Variants in HDLBP observed in about 807,000 individuals in gnomAD.
The protein encoded by HDLBP is high density lipoprotein binding protein, also known as vigilin.
A neutral mutation model predicts 137.3 loss-of-function variants in HDLBP; 30 were observed. The observed-to-expected ratio is 0.22, with a 90% CI of 0.16 to 0.30. HDLBP has a LOEUF of 0.30. Ranked by LOEUF, HDLBP falls within the 10% of genes least tolerant of loss-of-function variation. The pLI is 1.00. For synonymous variants in HDLBP, 606 were observed against 596.0 expected (o/e 1.02, Z -0.24); for missense variants, 1,119 against 1,667.3 (o/e 0.67, Z 5.73).
At chr2:241,298,303 T>C (rs2075260925) in intron 1 of HDLBP, among the ~76,000 whole-genome samples, 1 of 151,742 alleles carries the variant, frequency 6.6e-6, no homozygotes, top group African/African-American at 2.4e-5. Context: ...GAGGTGGAGT[T>C]TGCAGTCAGC....
At position 241,253,628 on chromosome 2, in the gene HDLBP, G is replaced by A. The variant is rs541496125; in HGVS notation, c.1189-131C>T. The A allele has an allele frequency of 1.9e-4, 125 of 665,354 alleles. 1 individual carries two copies. Among genetic ancestry groups the A allele is most frequent in the South Asian group, 7.7e-4 (43 of 56,202 alleles). 41.2% of individuals were successfully genotyped at this position (665,354 alleles called of 1,614,324 possible). On this transcript the variant is annotated intron_variant, in intron 9 of 27. Coordinates refer to ENST00000310931, the MANE Select transcript of HDLBP (RefSeq NM_005336.6). ...TTCACATAGATGTGAGGGAGGGAGG[G>A]ACATATCCACAGCCATCAAACAAAG...
At chr2:241,285,867 A>G (rs547302126) in intron 1 of HDLBP, among the ~76,000 whole-genome samples, 150 of 152,246 alleles carry the variant, frequency 9.9e-4, no homozygotes, top group African/African-American at 3.4e-3. Context: ...CATTTCTTAA[A>G]AAAATAAAAA....
chr2:241,290,906 G>A (rs2074993860), intron 1 of HDLBP, among the ~76,000 whole-genome samples: 1 of 152,172 alleles, frequency 6.6e-6, no homozygotes, highest in Non-Finnish European at 1.5e-5. Flanking sequence ...TATCGTTACT[G>A]TAAGAATATA....
chr2:241,235,733 G>A (rs1345220202), intron 21 of HDLBP, 139 bp from the exon 22 acceptor site: 42 of 618,930 alleles, frequency 6.8e-5, no homozygotes, highest in Non-Finnish European at 1.1e-4. Flanking sequence ...AATGCCACCA[G>A]GACCTTTAAC....
intron 16 of HDLBP, among the ~76,000 whole-genome samples, chr2:241,245,658 C>G (rs754835211): frequency 6.6e-6 from 1 of 152,064 alleles, no homozygotes; most frequent in Non-Finnish European, 1.5e-5. Context: ...AAAAATTAGC[C>G]TGGTGCGGTA....
rs1360672220 is a variant in HDLBP, at chr2:241,235,575, A to G, written c.2924T>C (p.Ile975Thr). 2.5e-6 allele frequency: 4 copies of G among 1,613,646 alleles called. No homozygotes were observed. Among genetic ancestry groups the G allele is most frequent in the Admixed American group, 1.7e-5 (1 of 60,016 alleles). Residue 975 changes from isoleucine (I) to threonine (T), a missense_variant, in exon 22 of 28, where the codon ATT (isoleucine) becomes ACT (threonine). Physicochemically the swap from Ile to Thr is moderately conservative, Grantham distance 89. Transcript: ENST00000310931. ...AAGGTCAAAGGGCACCTCTACTTCAATGGTGACAGGAACCAATGCCTGCAG... is the reference window on the plus strand; with the variant it reads ...AAGGTCAAAGGGCACCTCTACTTCAGTGGTGACAGGAACCAATGCCTGCAG... ...EALEALVPVT[I>T]EVEVPFDLHR...
chr2:241,256,509 T>A, intron 6 of HDLBP, 91 bp downstream of exon 6: 1 of 1,516,472 alleles, frequency 6.6e-7, no homozygotes, highest in Non-Finnish European at 9.1e-7. Flanking sequence ...ACATTATGCC[T>A]TGAAGTCCAC....
At chr2:241,299,505 CAAAAAAAAAA>C (rs11423330) in intron 1 of HDLBP, among the ~76,000 whole-genome samples, 4,767 of 49,836 alleles carry the variant, frequency 0.096, 128 homozygotes, top group Middle Eastern at 0.24. Flanking sequence ...GGCTCCGTCT[CAAAAAAAAAA>C]AAAAAAAAAA....
At chr2:241,256,565 T>C (rs772841954) in intron 6 of HDLBP, 35 bp downstream of exon 6, 34 of 1,602,162 alleles carry the variant, frequency 2.1e-5, no homozygotes, top group Non-Finnish European at 2.8e-5. Flanking sequence ...CACAAGCAGG[T>C]AGGCAGGGGC....
chr2:241,273,547 G>T (rs1212162744), intron 1 of HDLBP: 52 of 947,560 alleles, frequency 5.5e-5, no homozygotes, highest in Non-Finnish European at 6.5e-5. Context: ...TGCATCCATT[G>T]TGTTTACTAA....
chr2:241,295,478 C>T (rs2075143788), intron 1 of HDLBP, among the ~76,000 whole-genome samples: 1 of 152,164 alleles, frequency 6.6e-6, no homozygotes, highest in Non-Finnish European at 1.5e-5. Context: ...AAAAATTTTA[C>T]ACACACACAT....
chr2:241,256,884 C>A, intron 5 of HDLBP, 78 bp from the exon 6 acceptor site: 1 of 1,222,328 alleles, frequency 8.2e-7, no homozygotes, highest in Non-Finnish European at 1.2e-6. Flanking sequence ...GACATTCTGG[C>A]AGAAACACCA....
rs368772416 is a variant in HDLBP, at chr2:241,240,161, G to A, written c.2170-39C>T. 1.7e-4 allele frequency: 275 copies of A among 1,590,874 alleles called. No individual in the cohort carries two copies. Among genetic ancestry groups the A allele is most frequent in the Non-Finnish European group, 2.0e-4 (234 of 1,158,926 alleles). On this transcript the variant is annotated intron_variant, in intron 17 of 27. Transcript: ENST00000310931. This position sits in a 1 kb window ranked among gnomAD's most constrained non-coding sequence, Gnocchi z 5.5. ...TCCCACTGTGTTAGCCTGACACCAC[G>A]TGCCTGGACCACAGTGAGGAAGACA...
chr2:241,235,328 C>T, intron 22 of HDLBP, 73 bp from the exon 23 acceptor site: 14 of 1,601,022 alleles, frequency 8.7e-6, no homozygotes, highest in Non-Finnish European at 1.2e-5. Context: ...CCCTGGGACC[C>T]AGAAGTGGTG....
rs1210157159 is a variant in HDLBP at position 241,233,724 on chromosome 2, G to A, written c.3288+96C>T. 22 of 1,411,434 alleles carry A rather than the reference G, an allele frequency of 1.6e-5. No individual in the cohort carries two copies. Among genetic ancestry groups the A allele is most frequent in the Admixed American group, 7.4e-5 (4 of 54,226 alleles). The allele number at this position is 1,411,434 out of a possible 1,614,324, so 87.4% of individuals were successfully genotyped here. A position where few individuals can be genotyped will look rare whatever the true frequency, so the allele number is the denominator to read the frequency against. ...ACTTGCCACTCTCAACTTGGCCCTC[G>A]AACCCCCATCTAGGCACATCTGGTT... On this transcript the variant is annotated intron_variant, in intron 24 of 27. Coordinates refer to ENST00000310931, the MANE Select transcript of HDLBP (RefSeq NM_005336.6). This position sits in a 1 kb window ranked among gnomAD's most constrained non-coding sequence, Gnocchi z 4.3.
intron 2 of HDLBP, chr2:241,267,651 A>T: frequency 6.5e-7 from 1 of 1,535,754 alleles, no homozygotes; most frequent in Non-Finnish European, 8.7e-7. Flanking sequence ...AGGTGCATCC[A>T]GGCCCCAAAC....
At chr2:241,243,244 T>C (rs2071412273) in intron 16 of HDLBP, among the ~76,000 whole-genome samples, 1 of 151,952 alleles carries the variant, frequency 6.6e-6, no homozygotes, top group Admixed American at 6.5e-5. Context: ...CATCCGGAGA[T>C]CAGAGCCCAA....
chr2:241,286,561 G>A (rs903840584), intron 1 of HDLBP, among the ~76,000 whole-genome samples: 9 of 152,088 alleles, frequency 5.9e-5, no homozygotes, highest in East Asian at 1.9e-4. Flanking sequence ...ACCAATGTTC[G>A]TCCTGTATAT....
chr2:241,262,517 C>T (rs1237621882), intron 5 of HDLBP, among the ~76,000 whole-genome samples, 194 bp downstream of exon 5: 1 of 148,548 alleles, frequency 6.7e-6, no homozygotes, highest in Non-Finnish European at 1.5e-5. Context: ...TGGTAAGTGT[C>T]CCAGTTCTAT....
Sources: allele counts gnomAD v4.1 joint callset (sites outside exome capture counted in the v4.1 genomes callset), GRCh38; gene constraint gnomAD v4.1.1; non-coding constraint Gnocchi (gnomAD v3.1); transcripts MANE v1.5; gene names NCBI Gene and HGNC (gene_info 2026-07-23, HGNC 2026-07-21).